The following FHIT variants were observed in gnomAD, a reference collection of about 807,000 sequenced individuals.
FHIT encodes fragile histidine triad diadenosine triphosphatase.
In FHIT, 19 loss-of-function variants were observed where a neutral mutation model predicts 17.9. The ratio of observed to expected loss-of-function variants is 1.06; its 90% CI spans 0.74 to 1.56. The LOEUF is 1.56. Ranked by LOEUF, FHIT falls within the 40% of genes most tolerant of loss-of-function variation. FHIT has a pLI of 0.00. For missense variants in FHIT, 248 were observed against 189.2 expected, an observed-to-expected ratio of 1.31 and a Z score of -1.82; for synonymous variants, 81 against 69.7, an observed-to-expected ratio of 1.16 and a Z score of -0.81.
intron 8 of FHIT, among the ~76,000 whole-genome samples, chr3:59,852,028 G>A (rs1199940821): frequency 6.6e-6 from 1 of 152,190 alleles, no homozygotes; most frequent in African/African-American, 2.4e-5. Context: ...GGGGATATTA[G>A]TTCTTCCTGG....
At chr3:60,400,759 G>A (rs1438571641) in intron 5 of FHIT, among the ~76,000 whole-genome samples, 1 of 152,080 alleles carries the variant, frequency 6.6e-6, no homozygotes, top group East Asian at 1.9e-4. Context: ...AAAGACTGAG[G>A]AACTTAGGGA....
intron 5 of FHIT, among the ~76,000 whole-genome samples, chr3:60,113,800 G>A (rs1245700909): frequency 6.7e-6 from 1 of 149,908 alleles, no homozygotes; most frequent in Non-Finnish European, 1.5e-5. Context: ...AGGAGATCGA[G>A]ACCATCCTGG....
At chr3:60,989,844 C>T (rs1323171835) in intron 3 of FHIT, among the ~76,000 whole-genome samples, 1 of 152,152 alleles carries the variant, frequency 6.6e-6, no homozygotes, top group Non-Finnish European at 1.5e-5. Flanking sequence ...AAGTTTGCAT[C>T]TGTGCACTGC....
At chr3:60,151,908 G>C (rs1700482749) in intron 5 of FHIT, among the ~76,000 whole-genome samples, 1 of 152,058 alleles carries the variant, frequency 6.6e-6, no homozygotes, top group Admixed American at 6.6e-5. Context: ...TTTCCCTGTT[G>C]ACATGCTGAT....
rs940369160 is a variant in FHIT, at chr3:60,367,720, T to C, written c.103+169140A>G. Among the ~76,000 whole-genome samples, 10 of 152,220 alleles carry C rather than the reference T, an allele frequency of 6.6e-5. 1 individual carries two copies. Among genetic ancestry groups the C allele is most frequent in the Admixed American group, 4.6e-4 (7 of 15,292 alleles). On this transcript the variant is annotated intron_variant, in intron 5 of 9. Coordinates refer to ENST00000492590, the MANE Select transcript of FHIT (RefSeq NM_002012.4). The stretch of plus-strand genomic sequence containing the variant: ...GGTATGACCTATAGAGGTTTTACAG[T>C]GGATGAATTTTAACAAATGTATACA...
chr3:61,092,115 G>A (rs1385912543), intron 2 of FHIT, among the ~76,000 whole-genome samples: 6 of 151,340 alleles, frequency 4.0e-5, no homozygotes, highest in South Asian at 2.1e-4. Flanking sequence ...GTGGGGTGGG[G>A]GTAGGGGGGT....
chr3:59,930,983 T>G (rs1195352016), intron 7 of FHIT, among the ~76,000 whole-genome samples: 2 of 152,196 alleles, frequency 1.3e-5, no homozygotes, highest in Non-Finnish European at 1.5e-5. Context: ...AGATCCTACC[T>G]ATTCTTTTGA....
At chr3:59,931,409 T>C (rs908995928) in intron 7 of FHIT, among the ~76,000 whole-genome samples, 2 of 152,160 alleles carry the variant, frequency 1.3e-5, no homozygotes, top group East Asian at 1.9e-4. Flanking sequence ...AAAATAAATG[T>C]CACTGGAAGT....
chr3:60,571,537 G>A lies in FHIT; in HGVS notation c.-17-34558C>T, dbSNP rs544340941. On this transcript the variant is annotated intron_variant, in intron 4 of 9. Coordinates refer to ENST00000492590, the MANE Select transcript of FHIT (RefSeq NM_002012.4). ...TTACAGTAAACAGGAATTTGCATAC[G>A]CTCTGGGAGCAAAAAGTGTGTCCCC... 3.9e-5 allele frequency among the ~76,000 whole-genome samples: 6 copies of A among 152,006 alleles called. No homozygotes were observed. The East Asian group carries it at 5.8e-4, about 15-fold the overall frequency.
chr3:60,378,344 G>GA (rs1225714876), intron 5 of FHIT, among the ~76,000 whole-genome samples: 1 of 152,194 alleles, frequency 6.6e-6, no homozygotes, highest in African/African-American at 2.4e-5. Flanking sequence ...AAGAGTGACA[G>GA]AAAAGCCAAC....
intron 3 of FHIT, among the ~76,000 whole-genome samples, chr3:60,963,962 C>G (rs1223056159): frequency 2.0e-5 from 3 of 152,194 alleles, no homozygotes; most frequent in African/African-American, 4.8e-5. Flanking sequence ...TGCTGCAGAG[C>G]TGAGTTCAAT....
chr3:60,953,190 A>G (rs782093063), intron 3 of FHIT, among the ~76,000 whole-genome samples: 37 of 152,336 alleles, frequency 2.4e-4, no homozygotes, highest in African/African-American at 5.1e-4. Flanking sequence ...ATAAGTGCCA[A>G]AAATATAAAT....
intron 3 of FHIT, among the ~76,000 whole-genome samples, chr3:60,934,501 A>G (rs1708102292): frequency 6.6e-6 from 1 of 152,232 alleles, no homozygotes; most frequent in Non-Finnish European, 1.5e-5. Flanking sequence ...AGTGAGCTAC[A>G]GCAGTGGCTT....
rs539554785 is a variant in FHIT, at chr3:61,144,172, G to C, written c.-164+56445C>G. 7.9e-5 allele frequency among the ~76,000 whole-genome samples: 12 copies of C among 152,206 alleles called. No individual in the cohort carries two copies. The South Asian group carries it at 2.5e-3, about 32-fold the overall frequency. On this transcript the variant is annotated intron_variant, in intron 2 of 9. Transcript: ENST00000492590. ...AACATTTCCTCATCCCAAAAAGAAA[G>C]CCCATGTGCATTAGCAGTCACTCCA...
intron 8 of FHIT, among the ~76,000 whole-genome samples, chr3:59,832,218 G>T (rs1410565350): frequency 6.6e-6 from 1 of 152,104 alleles, no homozygotes; most frequent in African/African-American, 2.4e-5. Flanking sequence ...ATTGAGTACT[G>T]TCCCTCAGTT....
At chr3:60,428,738 T>C (rs1360050416) in intron 5 of FHIT, among the ~76,000 whole-genome samples, 2 of 152,138 alleles carry the variant, frequency 1.3e-5, no homozygotes, top group Non-Finnish European at 2.9e-5. Context: ...AGGCTAAGGT[T>C]ACTCTTAATG....
At chr3:60,198,675 T>G (rs756845813) in intron 5 of FHIT, among the ~76,000 whole-genome samples, 1 of 152,192 alleles carries the variant, frequency 6.6e-6, no homozygotes, top group African/African-American at 2.4e-5. Context: ...CGTCAACTTA[T>G]GGTTATGAGA....
At chr3:59,930,790 G>C (rs996145869) in intron 7 of FHIT, among the ~76,000 whole-genome samples, 1 of 152,164 alleles carries the variant, frequency 6.6e-6, no homozygotes, top group Non-Finnish European at 1.5e-5. Flanking sequence ...GCTTTTAGAA[G>C]ACCAATAACA....
intron 5 of FHIT, among the ~76,000 whole-genome samples, chr3:60,319,343 G>A (rs1323812689): frequency 6.6e-6 from 1 of 152,000 alleles, no homozygotes; most frequent in African/African-American, 2.4e-5. Flanking sequence ...AGAACAAAAC[G>A]GTGTGTTGTA....
Sources: allele counts gnomAD v4.1 joint callset (sites outside exome capture counted in the v4.1 genomes callset), GRCh38; gene constraint gnomAD v4.1.1; transcripts MANE v1.5; gene names NCBI Gene and HGNC (gene_info 2026-07-23, HGNC 2026-07-21).